The following ITSN1 variants were observed in gnomAD, a reference collection of about 807,000 sequenced individuals.
ITSN1 encodes intersectin-1.
ITSN1 carries 58 observed loss-of-function variants against 239.8 expected under a neutral mutation model. The ratio of observed to expected loss-of-function variants is 0.24; its 90% CI spans 0.20 to 0.30. The LOEUF (loss-of-function observed/expected upper bound fraction) is 0.30. Ranked by LOEUF, ITSN1 falls within the 10% of genes least tolerant of loss-of-function variation. The probability of loss-of-function intolerance (pLI) is 1.00; values close to 1 mark genes in which losing one functional copy is unlikely to be tolerated. For synonymous variants in ITSN1, 780 were observed against 770.8 expected (o/e 1.01, Z -0.20); for missense variants, 1,558 against 2,103.3 (o/e 0.74, Z 5.07).
chr21:33,804,681 G>A (rs2072270255), intron 20 of ITSN1, among the ~76,000 whole-genome samples: 1 of 152,134 alleles, frequency 6.6e-6, no homozygotes, highest in Admixed American at 6.6e-5. Flanking sequence ...CATGTTAGTA[G>A]AACATAAGAA....
intron 1 of ITSN1, among the ~76,000 whole-genome samples, chr21:33,703,037 G>C (rs1254025456): frequency 6.6e-6 from 1 of 151,918 alleles, no homozygotes; most frequent in African/African-American, 2.4e-5. Context: ...AGTGAGCCGA[G>C]ATCGCACCAC....
intron 4 of ITSN1, among the ~76,000 whole-genome samples, chr21:33,731,649 G>A (rs936998973): frequency 6.6e-6 from 1 of 152,186 alleles, no homozygotes; most frequent in East Asian, 1.9e-4. Flanking sequence ...GATTGGTTCA[G>A]AGTCGAAAAA....
rs1449587721 is a variant in ITSN1, at chr21:33,720,316, GC to G, written c.29-861del. 3.3e-5 allele frequency among the ~76,000 whole-genome samples: 5 copies of G among 152,338 alleles called. No individual in the cohort carries two copies. In the South Asian group the frequency reaches 8.3e-4, roughly 25 times the overall value. On this transcript the variant is annotated intron_variant, in intron 2 of 39. Coordinates refer to ENST00000381318, the MANE Select transcript of ITSN1 (RefSeq NM_003024.3). Reference sequence around the variant, plus strand: ...TTAGATGTTTTTGCTGGTGTGCTGGGCACATTCACATTTTGTGTGAAACATA... The same window carrying G: ...TTAGATGTTTTTGCTGGTGTGCTGGGACATTCACATTTTGTGTGAAACATA...
chr21:33,814,571 T>TGAA (rs1489940844), intron 22 of ITSN1: 2 of 153,766 alleles, frequency 1.3e-5, no homozygotes, highest in Non-Finnish European at 2.9e-5. Flanking sequence ...GTGGTTATTC[T>TGAA]GAATAGTTCT....
intron 9 of ITSN1, among the ~76,000 whole-genome samples, chr21:33,763,153 G>T (rs1390828197): frequency 2.2e-5 from 3 of 137,646 alleles, no homozygotes; most frequent in Non-Finnish European, 3.0e-5. Flanking sequence ...CATCTTTTAT[G>T]TCTCCTTTAA....
At chr21:33,880,129 G>A (rs1384651440) in intron 34 of ITSN1, among the ~76,000 whole-genome samples, 1 of 152,184 alleles carries the variant, frequency 6.6e-6, no homozygotes, top group African/African-American at 2.4e-5. Context: ...GTTGACTTCT[G>A]TCTCCTGACC....
chr21:33,688,983 T>TG (rs1226952447), intron 1 of ITSN1, among the ~76,000 whole-genome samples: 1 of 152,000 alleles, frequency 6.6e-6, no homozygotes, highest in Non-Finnish European at 1.5e-5. Context: ...CGGCTAATTT[T>TG]GGTATTTTTA....
In ITSN1 at chr21:33,896,863, G is replaced by C. The variant is rs1219676265; in HGVS notation, c.*8563G>C. On this transcript the variant is annotated 3_prime_UTR_variant, in exon 40 of 40. Coordinates refer to ENST00000381318, the MANE Select transcript of ITSN1 (RefSeq NM_003024.3). ...TCACTATGTTTCCTGATTCTGTCTGGGATTATATTTGCTAAGTAAAAATGT... is the reference window on the plus strand; with the variant it reads ...TCACTATGTTTCCTGATTCTGTCTGCGATTATATTTGCTAAGTAAAAATGT... 6.6e-6 allele frequency: 1 copy of C among 152,160 alleles called. No individual in the cohort carries two copies. The highest frequency in any genetic ancestry group is 1.9e-4 in the East Asian group (1 of 5,202). 9.4% of individuals were successfully genotyped at this position (152,160 alleles called of 1,614,324 possible).
At chr21:33,807,494 C>T (rs564126824) in intron 20 of ITSN1, among the ~76,000 whole-genome samples, 3 of 152,224 alleles carry the variant, frequency 2.0e-5, no homozygotes, top group Non-Finnish European at 2.9e-5. Context: ...TGTGCCACCA[C>T]GCCCGGCTAA....
chr21:33,664,418 A>C (rs2089785890), intron 1 of ITSN1, among the ~76,000 whole-genome samples: 1 of 152,080 alleles, frequency 6.6e-6, no homozygotes, highest in Non-Finnish European at 1.5e-5. Flanking sequence ...AGCTCATGTG[A>C]GAACTAAGAG....
intron 1 of ITSN1, among the ~76,000 whole-genome samples, chr21:33,700,350 G>A (rs1326251883): frequency 2.0e-5 from 3 of 152,174 alleles, no homozygotes; most frequent in South Asian, 2.1e-4. Flanking sequence ...TTCCCAAAGT[G>A]CTGGGATTAC....
At chr21:33,655,498 G>A (rs976523281) in intron 1 of ITSN1, among the ~76,000 whole-genome samples, 6 of 151,592 alleles carry the variant, frequency 4.0e-5, no homozygotes, top group African/African-American at 7.3e-5. Flanking sequence ...TTGGCTCACT[G>A]CAATCTCTAC....
intron 29 of ITSN1, among the ~76,000 whole-genome samples, chr21:33,850,487 T>C (rs1485167657): frequency 6.6e-6 from 1 of 152,194 alleles, no homozygotes; most frequent in African/African-American, 2.4e-5. Flanking sequence ...TGATAACCGC[T>C]TGGAGTGATG....
chr21:33,892,251 G>A lies in ITSN1; in HGVS notation c.*3951G>A, dbSNP rs1381264380. 4 of 152,206 alleles carry A rather than the reference G, an allele frequency of 2.6e-5. No homozygotes were observed. Among genetic ancestry groups the A allele is most frequent in the African/African-American group, 4.8e-5 (2 of 41,430 alleles). 9.4% of individuals were successfully genotyped at this position (152,206 alleles called of 1,614,324 possible). On this transcript the variant is annotated 3_prime_UTR_variant, in exon 40 of 40. Transcript: ENST00000381318. ...AGCATAACCAGTAGCCCCAGAAACCGGTAGCATGATGAAGCCCTCAGACAG... is the reference window on the plus strand; with the variant it reads ...AGCATAACCAGTAGCCCCAGAAACCAGTAGCATGATGAAGCCCTCAGACAG...
chr21:33,817,223 C>T, intron 22 of ITSN1: 1 of 1,295,198 alleles, frequency 7.7e-7, no homozygotes, highest in Middle Eastern at 2.2e-4. Flanking sequence ...CTCACCCTGC[C>T]TTTCCAGCCT....
At chr21:33,819,501 G>A (rs2073511912) in intron 24 of ITSN1, among the ~76,000 whole-genome samples, 178 bp downstream of exon 24, 1 of 152,028 alleles carries the variant, frequency 6.6e-6, no homozygotes, top group Non-Finnish European at 1.5e-5. Flanking sequence ...AATACTGTCA[G>A]GTATATTAAT....
At chr21:33,683,066 C>T (rs1327877567) in intron 1 of ITSN1, among the ~76,000 whole-genome samples, 2 of 152,264 alleles carry the variant, frequency 1.3e-5, no homozygotes, top group East Asian at 3.9e-4. Context: ...TTTCTCTTCC[C>T]TCTCACCATG....
chr21:33,733,675 G>C (rs1286139167), intron 4 of ITSN1, among the ~76,000 whole-genome samples: 1 of 152,078 alleles, frequency 6.6e-6, no homozygotes, highest in Non-Finnish European at 1.5e-5. Context: ...GCAGTTCATA[G>C]AAGTGCAAAT....
chr21:33,797,309 G>A lies in ITSN1; in HGVS notation c.1953-70G>A. 7.4e-7 allele frequency: 1 copy of A among 1,344,806 alleles called. No homozygotes were observed. Among genetic ancestry groups the A allele is most frequent in the Non-Finnish European group, 1.0e-6 (1 of 953,790 alleles). 83.3% of individuals were successfully genotyped at this position (1,344,806 alleles called of 1,614,324 possible). The stretch of plus-strand genomic sequence containing the variant: ...CCATTTACTGGATGGAGCTTTTTTT[G>A]TGAAAAGAGGCAACAGTAGTGTTAA... On this transcript the variant is annotated intron_variant, in intron 17 of 39. Coordinates refer to ENST00000381318, the MANE Select transcript of ITSN1 (RefSeq NM_003024.3). The surrounding 1 kb of genome is among the most constrained non-coding windows in gnomAD (Gnocchi z 4.9).
Sources: allele counts gnomAD v4.1 joint callset (sites outside exome capture counted in the v4.1 genomes callset), GRCh38; gene constraint gnomAD v4.1.1; non-coding constraint Gnocchi (gnomAD v3.1); transcripts MANE v1.5; gene names NCBI Gene and HGNC (gene_info 2026-07-23, HGNC 2026-07-21).